Variants in GPC5 observed in about 807,000 individuals in gnomAD.
GPC5 encodes the protein glypican-5.
GPC5 carries 47 observed loss-of-function variants against 53.9 expected under a neutral mutation model. The ratio of observed to expected loss-of-function variants is 0.87; its 90% confidence interval spans 0.69 to 1.11. The LOEUF (loss-of-function observed/expected upper bound fraction) is 1.11. GPC5 is among the 50% of genes most tolerant of loss of function. The pLI, the probability that GPC5 is intolerant of heterozygous loss-of-function variation, is 0.00. For synonymous variants in GPC5, 286 were observed against 263.3 expected (o/e 1.09, Z -0.84); for missense variants, 748 against 713.1 (o/e 1.05, Z -0.56).
chr13:92,168,136 T>C (rs1296879274), intron 7 of GPC5, among the ~76,000 whole-genome samples: 1 of 152,176 alleles, frequency 6.6e-6, no homozygotes, highest in Non-Finnish European at 1.5e-5. Context: ...GGTTTCTAGA[T>C]GGAGGAGTCT....
intron 2 of GPC5, among the ~76,000 whole-genome samples, chr13:91,648,261 G>A (rs60874154): frequency 0.065 from 9,877 of 152,146 alleles, 1,084 homozygotes; most frequent in African/African-American, 0.22. Flanking sequence ...TGGAGCACAT[G>A]TGCAATGTGT....
At chr13:91,428,228 G>C (rs1173001435) in intron 1 of GPC5, among the ~76,000 whole-genome samples, 8 of 152,152 alleles carry the variant, frequency 5.3e-5, no homozygotes, top group Admixed American at 1.3e-4. Context: ...AGAGGAATGA[G>C]GCATGCAGTC....
At chr13:91,537,793 T>C (rs1272291506) in intron 2 of GPC5, among the ~76,000 whole-genome samples, 1 of 152,156 alleles carries the variant, frequency 6.6e-6, no homozygotes, top group Non-Finnish European at 1.5e-5. Context: ...AAAACTGAAT[T>C]TACAGGACAT....
intron 7 of GPC5, among the ~76,000 whole-genome samples, chr13:92,401,965 G>T (rs1270705332): frequency 6.6e-6 from 1 of 152,088 alleles, no homozygotes; most frequent in African/African-American, 2.4e-5. Context: ...TAATTTGAAT[G>T]CTCTGTTTGC....
At chr13:92,462,880 C>T (rs1338532991) in intron 7 of GPC5, among the ~76,000 whole-genome samples, 1 of 152,010 alleles carries the variant, frequency 6.6e-6, no homozygotes, top group African/African-American at 2.4e-5. Context: ...CCACACTTGG[C>T]TAATTTTGTA....
intron 7 of GPC5, among the ~76,000 whole-genome samples, chr13:92,596,294 A>C (rs1883879369): frequency 6.6e-6 from 1 of 152,168 alleles, no homozygotes; most frequent in Non-Finnish European, 1.5e-5. Flanking sequence ...CTAAGATGTA[A>C]ACACAAAATA....
intron 7 of GPC5, among the ~76,000 whole-genome samples, chr13:92,782,977 A>G (rs910004636): frequency 5.3e-5 from 8 of 152,232 alleles, no homozygotes; most frequent in Non-Finnish European, 1.2e-4. Flanking sequence ...CCAGTACTCC[A>G]GAATAGCTTT....
intron 7 of GPC5, among the ~76,000 whole-genome samples, chr13:92,503,597 T>C (rs1240592526): frequency 6.6e-6 from 1 of 151,610 alleles, no homozygotes; most frequent in Non-Finnish European, 1.5e-5. Flanking sequence ...AAAGAAAATA[T>C]ATTAAAACAA....
intron 6 of GPC5, among the ~76,000 whole-genome samples, chr13:92,104,337 G>T (rs1047975203): frequency 6.6e-6 from 1 of 152,118 alleles, no homozygotes; most frequent in Non-Finnish European, 1.5e-5. Context: ...TTGAAGAAAT[G>T]CTCTTCAAAT....
chr13:92,570,082 A>G (rs1272875842), intron 7 of GPC5, among the ~76,000 whole-genome samples: 1 of 152,226 alleles, frequency 6.6e-6, no homozygotes, highest in East Asian at 1.9e-4. Context: ...GATTTTCACC[A>G]TATGTGTTTT....
intron 2 of GPC5, among the ~76,000 whole-genome samples, chr13:91,678,982 C>A (rs1490818518): frequency 6.6e-6 from 1 of 151,706 alleles, no homozygotes; most frequent in African/African-American, 2.4e-5. Flanking sequence ...TTGACTTTGT[C>A]CTGGGGTAAA....
intron 5 of GPC5, among the ~76,000 whole-genome samples, chr13:91,775,918 G>C (rs889456344): frequency 6.6e-6 from 1 of 152,202 alleles, no homozygotes; most frequent in African/African-American, 2.4e-5. Flanking sequence ...ATGTTAGAAA[G>C]AGCAGGCACC....
intron 7 of GPC5, among the ~76,000 whole-genome samples, chr13:92,188,042 C>A (rs1382353970): frequency 1.3e-5 from 2 of 152,096 alleles, no homozygotes; most frequent in African/African-American, 2.4e-5. Context: ...ATGACAGTAC[C>A]TACTTTGGCT....
intron 1 of GPC5, among the ~76,000 whole-genome samples, chr13:91,418,052 T>A (rs1455625331): frequency 2.0e-5 from 3 of 152,164 alleles, no homozygotes; most frequent in Non-Finnish European, 4.4e-5. Flanking sequence ...AACTCCATCC[T>A]GCCTGGGACA....
At chr13:92,796,306 G>A (rs1876677492) in intron 7 of GPC5, among the ~76,000 whole-genome samples, 1 of 152,028 alleles carries the variant, frequency 6.6e-6, no homozygotes, top group East Asian at 1.9e-4. Flanking sequence ...GGTGGGAACT[G>A]AACAGTGACA....
At chr13:92,298,940 G>A (rs2043057047) in intron 7 of GPC5, among the ~76,000 whole-genome samples, 1 of 152,088 alleles carries the variant, frequency 6.6e-6, no homozygotes, top group African/African-American at 2.4e-5. Context: ...TTTTACTTTG[G>A]ACACTTGCTG....
intron 2 of GPC5, among the ~76,000 whole-genome samples, chr13:91,641,627 A>G (rs1188519100): frequency 2.6e-5 from 4 of 152,256 alleles, no homozygotes; most frequent in Non-Finnish European, 5.9e-5. Flanking sequence ...AATAAAATAC[A>G]TAAATATTCT....
chr13:92,333,216 T>C (rs2043299957), intron 7 of GPC5, among the ~76,000 whole-genome samples: 1 of 152,182 alleles, frequency 6.6e-6, no homozygotes. Flanking sequence ...CCAGGAACTC[T>C]ACCCACTTCT....
intron 7 of GPC5, among the ~76,000 whole-genome samples, chr13:92,283,822 A>G (rs1163704844): frequency 6.6e-6 from 1 of 152,170 alleles, no homozygotes; most frequent in Non-Finnish European, 1.5e-5. Context: ...CTAACATCAC[A>G]TTAAAAGAAC....
Sources: allele counts gnomAD v4.1 joint callset (sites outside exome capture counted in the v4.1 genomes callset), GRCh38; gene constraint gnomAD v4.1.1; transcripts MANE v1.5; gene names NCBI Gene and HGNC (gene_info 2026-07-23, HGNC 2026-07-21).